The following IL1RL2 variants were observed in gnomAD, a reference collection of about 807,000 sequenced individuals.
IL1RL2 encodes interleukin-1 receptor-like 2.
IL1RL2 carries 68 observed loss-of-function variants against 66.8 expected under a neutral mutation model. The ratio of observed to expected loss-of-function variants is 1.02; its 90% CI spans 0.84 to 1.25. The LOEUF (loss-of-function observed/expected upper bound fraction) is 1.25. IL1RL2 is among the 50% of genes most tolerant of loss of function. IL1RL2 has a pLI of 0.00. For synonymous variants in IL1RL2, 305 were observed against 264.6 expected (o/e 1.15, Z -1.48); for missense variants, 729 against 709.3 (o/e 1.03, Z -0.32).
At chr2:102,220,941 T>C (rs1690071442) in intron 8 of IL1RL2, among the ~76,000 whole-genome samples, 1 of 152,198 alleles carries the variant, frequency 6.6e-6, no homozygotes, top group Non-Finnish European at 1.5e-5. Context: ...TTGCAGTGAA[T>C]AGGGATCTGT....
Position 102,235,172 on chromosome 2 carries a change from A to C in IL1RL2, c.1573A>C (p.Lys525Gln), listed in dbSNP as rs1674758237. The change falls in exon 11 of 12, where the codon AAG (lysine) becomes CAG (glutamine). Residue 525 changes from lysine to glutamine, a missense_variant. Transcript: ENST00000264257. ...CTTCACGGAGCAGTCACAGTGTATGAAGACCAAGTTTTGGAAGACAGTGAG... is the reference window on the plus strand; with the variant it reads ...CTTCACGGAGCAGTCACAGTGTATGCAGACCAAGTTTTGGAAGACAGTGAG... The part of the protein sequence containing the change: ...GDFTEQSQCM[K>Q]TKFWKTVRYH... 6.2e-7 allele frequency: 1 copy of C among 1,614,218 alleles called. No individual in the cohort carries two copies. The highest frequency in any genetic ancestry group is 8.5e-7 in the Non-Finnish European group (1 of 1,180,032).
At chr2:102,206,542 G>T (rs993527669) in intron 5 of IL1RL2, among the ~76,000 whole-genome samples, 9 of 152,188 alleles carry the variant, frequency 5.9e-5, no homozygotes, top group Non-Finnish European at 2.9e-5. Context: ...CTAGATATCA[G>T]GCAGAGACTT....
intron 5 of IL1RL2, among the ~76,000 whole-genome samples, chr2:102,204,815 C>T (rs1688566093): frequency 1.3e-5 from 2 of 151,880 alleles, no homozygotes; most frequent in African/African-American, 2.4e-5. Context: ...AGCCATTCTA[C>T]ATCTCTTTAT....
intron 6 of IL1RL2, among the ~76,000 whole-genome samples, chr2:102,216,884 T>C (rs1305439695): frequency 1.3e-5 from 2 of 152,196 alleles, no homozygotes; most frequent in African/African-American, 4.8e-5. Flanking sequence ...AGTTTATACT[T>C]TTGTTGCCTT....
intron 6 of IL1RL2, among the ~76,000 whole-genome samples, chr2:102,212,498 A>G (rs1325260545): frequency 6.6e-6 from 1 of 152,206 alleles, no homozygotes; most frequent in Non-Finnish European, 1.5e-5. Flanking sequence ...ACTACTATTA[A>G]ATAATGTTGA....
intron 4 of IL1RL2, among the ~76,000 whole-genome samples, chr2:102,195,671 CTT>C (rs1169066866): frequency 9.1e-6 from 1 of 109,342 alleles, no homozygotes; most frequent in Non-Finnish European, 1.9e-5. Flanking sequence ...TTCTTTCTTT[CTT>C]TCTTTCTTTC....
intron 3 of IL1RL2, among the ~76,000 whole-genome samples, chr2:102,189,546 C>G (rs1687044030): frequency 6.6e-6 from 1 of 152,264 alleles, no homozygotes; most frequent in East Asian, 1.9e-4. Flanking sequence ...CAGACCCACT[C>G]ACAAAGTGTG....
At chr2:102,237,765 G>A (rs897811353) in intron 11 of IL1RL2, among the ~76,000 whole-genome samples, 1 of 152,222 alleles carries the variant, frequency 6.6e-6, no homozygotes, top group African/African-American at 2.4e-5. Flanking sequence ...AGGTTGGCAG[G>A]TAACAGCTCC....
In IL1RL2 at chr2:102,239,213, G is replaced by C; in HGVS notation, c.1700G>C (p.Arg567Thr). The change falls in exon 12 of 12, where the codon AGA (arginine) becomes ACA (threonine). Residue 567 changes from arginine to threonine, a missense_variant. Coordinates refer to ENST00000264257, the MANE Select transcript of IL1RL2 (RefSeq NM_003854.4). ...RTAGPELGSR[R>T]KKCTLTTG ...TCAGGCCCAGAACTAGGCTCAAGAAGAAAGAAGTGTACTCTCACGACTGGC... is the reference window on the plus strand; with the variant it reads ...TCAGGCCCAGAACTAGGCTCAAGAACAAAGAAGTGTACTCTCACGACTGGC... 4 of 1,614,084 alleles carry C rather than the reference G, an allele frequency of 2.5e-6. No individual in the cohort carries two copies. The highest frequency in any genetic ancestry group is 1.1e-5 in the South Asian group (1 of 91,080).
At position 102,200,980 on chromosome 2, in the gene IL1RL2, C is replaced by G. The variant is rs1688204057; in HGVS notation, c.490-576C>G. ...GTTGGTGAAGAATTATTTTGGACTTCTATAAAGTCCAATGCTTGATAAGTG... is the reference window on the plus strand; with the variant it reads ...GTTGGTGAAGAATTATTTTGGACTTGTATAAAGTCCAATGCTTGATAAGTG... On this transcript the variant is annotated intron_variant, in intron 4 of 11. Transcript: ENST00000264257. Among the ~76,000 whole-genome samples, 5 of 152,190 alleles carry G rather than the reference C, an allele frequency of 3.3e-5. No individual in the cohort carries two copies. In the South Asian group the frequency reaches 1.0e-3, roughly 32 times the overall value.
At chr2:102,196,741 G>A (rs1038881174) in intron 4 of IL1RL2, among the ~76,000 whole-genome samples, 1 of 152,174 alleles carries the variant, frequency 6.6e-6, no homozygotes, top group Non-Finnish European at 1.5e-5. Context: ...AGTAATTAGA[G>A]GGAAGCAGCA....
intron 6 of IL1RL2, among the ~76,000 whole-genome samples, chr2:102,216,398 A>G (rs917374743): frequency 2.6e-5 from 4 of 152,072 alleles, no homozygotes; most frequent in Non-Finnish European, 5.9e-5. Context: ...ATTTGCATGG[A>G]ATATCTTTTT....
At chr2:102,202,452 G>T (rs1297172196) in intron 5 of IL1RL2, among the ~76,000 whole-genome samples, 1 of 151,406 alleles carries the variant, frequency 6.6e-6, no homozygotes, top group East Asian at 1.9e-4. Context: ...TACATAATAT[G>T]TGTATATTTA....
Position 102,239,209 on chromosome 2 carries a change from A to G in IL1RL2, c.1696A>G (p.Arg566Gly). The change falls in exon 12 of 12, where the codon AGA becomes GGA. Residue 566 changes from arginine to glycine, a missense_variant. Coordinates refer to ENST00000264257, the MANE Select transcript of IL1RL2 (RefSeq NM_003854.4). ...YRTAGPELGS[R>G]RKKCTLTTG ...GATTTCAGGCCCAGAACTAGGCTCA[A>G]GAAGAAAGAAGTGTACTCTCACGAC... 2 of 1,614,100 alleles carry G rather than the reference A, an allele frequency of 1.2e-6. No individual in the cohort carries two copies. Among genetic ancestry groups the G allele is most frequent in the Non-Finnish European group, 1.7e-6 (2 of 1,179,950 alleles).
In IL1RL2 at chr2:102,225,989, C is replaced by T. The variant is rs749351287; in HGVS notation, c.1083C>T (p.Ile361=). ...SVVYIYNIFK[I]DIVLWYRSAF... ...TGTACATATACAACATTTTTAAGAT[C>T]GACATTGTTCTTTGGTATCGAAGTG... The change falls in exon 9 of 12, where the codon ATC becomes ATT. Residue 361 remains isoleucine, a synonymous_variant. Transcript: ENST00000264257. 4.0e-5 allele frequency: 65 copies of T among 1,606,970 alleles called. No individual in the cohort carries two copies. Among genetic ancestry groups the T allele is most frequent in the East Asian group, 2.3e-5 (1 of 44,252 alleles).
At chr2:102,229,800 T>A (rs1026274183) in intron 9 of IL1RL2, among the ~76,000 whole-genome samples, 2 of 152,258 alleles carry the variant, frequency 1.3e-5, no homozygotes, top group Non-Finnish European at 2.9e-5. Flanking sequence ...TTGTACATTT[T>A]GAATTTTTCA....
rs145175486 is a variant in IL1RL2 at position 102,194,710 on chromosome 2, C to CTGTG, written c.489+2602_489+2605dup. On this transcript the variant is annotated intron_variant, in intron 4 of 11. Coordinates refer to ENST00000264257, the MANE Select transcript of IL1RL2 (RefSeq NM_003854.4). ...AATTTTCTTATTGGCACTTGGATGTCTGTGTGTGTGTGTGTAATTTTTTTC... is the reference window on the plus strand; with the variant it reads ...AATTTTCTTATTGGCACTTGGATGTCTGTGTGTGTGTGTGTGTGTAATTTTTTTC... Among the ~76,000 whole-genome samples the CTGTG allele has an allele frequency of 2.1e-3, 324 of 151,314 alleles. 1 individual carries two copies. The highest frequency in any genetic ancestry group is 3.9e-3 in the Non-Finnish European group (263 of 67,764).
intron 5 of IL1RL2, among the ~76,000 whole-genome samples, chr2:102,204,075 T>G (rs947272481): frequency 6.6e-6 from 1 of 152,124 alleles, no homozygotes; most frequent in African/African-American, 2.4e-5. Context: ...TGTTTTAGTA[T>G]GTTGTGTTTC....
chr2:102,195,640 TCTCTC>T (rs1687685527), intron 4 of IL1RL2, among the ~76,000 whole-genome samples: 1 of 35,058 alleles, frequency 2.9e-5, no homozygotes, highest in African/African-American at 7.6e-5. Context: ...TCTCTCTCTC[TCTCTC>T]TCTTTCTTTC....
Sources: allele counts gnomAD v4.1 joint callset (sites outside exome capture counted in the v4.1 genomes callset), GRCh38; gene constraint gnomAD v4.1.1; transcripts MANE v1.5; gene names NCBI Gene and HGNC (gene_info 2026-07-23, HGNC 2026-07-21).